Variants in CDKAL1 observed in about 807,000 individuals in gnomAD.
The protein encoded by CDKAL1 is CDKAL1 threonylcarbamoyladenosine tRNA methylthiotransferase.
Under a neutral mutation model 68.2 loss-of-function variants are expected in CDKAL1, and 32 were observed. The observed-to-expected ratio is 0.47, with a 90% confidence interval of 0.35 to 0.63. CDKAL1 has a LOEUF of 0.63. Ranked by LOEUF, CDKAL1 falls within the 30% of genes least tolerant of loss-of-function variation. The pLI is 0.00. For synonymous variants in CDKAL1, 234 were observed against 244.3 expected (o/e 0.96, Z 0.39); for missense variants, 606 against 696.7 (o/e 0.87, Z 1.47).
In CDKAL1 at chr6:21,121,041, C is replaced by A. The variant is rs184744822; in HGVS notation, c.1299+12578C>A. Among the ~76,000 whole-genome samples, 36 of 152,304 alleles carry A rather than the reference C, an allele frequency of 2.4e-4. No individual in the cohort carries two copies. The East Asian group carries it at 6.9e-3, about 29-fold the overall frequency. The stretch of plus-strand genomic sequence containing the variant: ...TGATAGATATTGGCCGAGACCCACT[C>A]AGCAAGATGTTCCAGTGTACATGCC... On this transcript the variant is annotated intron_variant, in intron 13 of 15. Transcript: ENST00000274695.
chr6:20,911,577 A>G (rs896239299), intron 9 of CDKAL1, among the ~76,000 whole-genome samples: 1 of 152,250 alleles, frequency 6.6e-6, no homozygotes, highest in Non-Finnish European at 1.5e-5. Flanking sequence ...TTTTCACATT[A>G]TTACAGACAT....
chr6:20,747,495 T>G (rs557070810), intron 6 of CDKAL1, among the ~76,000 whole-genome samples: 1 of 152,292 alleles, frequency 6.6e-6, no homozygotes, highest in South Asian at 2.1e-4. Flanking sequence ...CTGACACTCG[T>G]TATTTATTGT....
chr6:20,825,296 T>C (rs1777457549), intron 8 of CDKAL1, among the ~76,000 whole-genome samples: 2 of 151,526 alleles, frequency 1.3e-5, no homozygotes, highest in Non-Finnish European at 2.9e-5. Context: ...GAAAGTATGG[T>C]TTAAATGACA....
chr6:20,775,195 A>G (rs981920691), intron 7 of CDKAL1, among the ~76,000 whole-genome samples: 2 of 152,182 alleles, frequency 1.3e-5, no homozygotes, highest in Non-Finnish European at 2.9e-5. Flanking sequence ...TCATGTCATT[A>G]TCAGTTGATC....
chr6:21,027,393 T>A (rs1316969949), intron 11 of CDKAL1, among the ~76,000 whole-genome samples: 1 of 152,194 alleles, frequency 6.6e-6, no homozygotes, highest in Non-Finnish European at 1.5e-5. Flanking sequence ...GCCATTGTCT[T>A]CATTCTTCCT....
At chr6:21,024,230 G>A (rs1024463174) in intron 11 of CDKAL1, among the ~76,000 whole-genome samples, 1 of 152,120 alleles carries the variant, frequency 6.6e-6, no homozygotes, top group Non-Finnish European at 1.5e-5. Flanking sequence ...AGTATAGAAT[G>A]GTTTTATAGG....
At chr6:20,668,535 T>C (rs568764119) in intron 5 of CDKAL1, among the ~76,000 whole-genome samples, 1 of 152,192 alleles carries the variant, frequency 6.6e-6, no homozygotes, top group African/African-American at 2.4e-5. Flanking sequence ...TTGTTGACTA[T>C]GTAGAGTATG....
At chr6:21,023,660 T>C (rs892839310) in intron 11 of CDKAL1, among the ~76,000 whole-genome samples, 21 of 152,228 alleles carry the variant, frequency 1.4e-4, no homozygotes, top group African/African-American at 5.1e-4. Flanking sequence ...GACTATTTTG[T>C]CTTCTAGAGA....
At chr6:20,850,263 C>T (rs1758937297) in intron 9 of CDKAL1, among the ~76,000 whole-genome samples, 1 of 151,930 alleles carries the variant, frequency 6.6e-6, no homozygotes, top group South Asian at 2.1e-4. Context: ...GTTAAATTTC[C>T]CATCCTTAAA....
intron 8 of CDKAL1, among the ~76,000 whole-genome samples, chr6:20,832,459 C>T (rs893245997): frequency 4.0e-5 from 6 of 151,184 alleles, no homozygotes; most frequent in Non-Finnish European, 7.4e-5. Flanking sequence ...CATAGTGAGA[C>T]CCTGTCTCTA....
intron 10 of CDKAL1, among the ~76,000 whole-genome samples, chr6:20,985,711 G>A (rs972919783): frequency 6.6e-6 from 1 of 152,034 alleles, no homozygotes. Flanking sequence ...CTTGAACTCA[G>A]GAGTTCACTT....
rs573888881 is a variant in CDKAL1 at position 20,541,786 on chromosome 6, G to C, written c.-5-4560G>C. On this transcript the variant is annotated intron_variant, in intron 2 of 15. Coordinates refer to ENST00000274695, the MANE Select transcript of CDKAL1 (RefSeq NM_017774.3). Reference sequence around the variant, plus strand: ...AGCAATTCTCCTGTCTCAGCCTCCTGAGTAGCTGGGATTACAGGCATGTGC... The same window carrying C: ...AGCAATTCTCCTGTCTCAGCCTCCTCAGTAGCTGGGATTACAGGCATGTGC... 2.0e-5 allele frequency among the ~76,000 whole-genome samples: 3 copies of C among 152,158 alleles called. No individual in the cohort carries two copies. In the East Asian group the frequency reaches 5.8e-4, roughly 29 times the overall value.
At chr6:20,632,507 A>C (rs1397471288) in intron 4 of CDKAL1, among the ~76,000 whole-genome samples, 1 of 152,226 alleles carries the variant, frequency 6.6e-6, no homozygotes, top group Admixed American at 6.5e-5. Flanking sequence ...TGTTAGAACA[A>C]GAAGATCCCT....
chr6:21,175,414 C>G (rs1777538756), intron 13 of CDKAL1, among the ~76,000 whole-genome samples: 1 of 152,234 alleles, frequency 6.6e-6, no homozygotes, highest in African/African-American at 2.4e-5. Flanking sequence ...GCTCACCCCT[C>G]TTTGTTGAAA....
chr6:21,111,480 C>G (rs1330702076), intron 13 of CDKAL1, among the ~76,000 whole-genome samples: 1 of 152,150 alleles, frequency 6.6e-6, no homozygotes, highest in Non-Finnish European at 1.5e-5. Context: ...CTCTTCTTTC[C>G]TTCCCCCAAC....
intron 13 of CDKAL1, among the ~76,000 whole-genome samples, chr6:21,132,502 T>C (rs1401216375): frequency 3.9e-3 from 599 of 151,872 alleles, no homozygotes; most frequent in African/African-American, 0.014. Context: ...GTCTTATTTA[T>C]GTTAATATGT....
intron 15 of CDKAL1, among the ~76,000 whole-genome samples, chr6:21,203,440 C>T (rs141906237): frequency 0.017 from 2,619 of 150,942 alleles, 65 homozygotes; most frequent in African/African-American, 0.059. Context: ...TTCACCATGT[C>T]GGCCAGGCTG....
intron 13 of CDKAL1, among the ~76,000 whole-genome samples, chr6:21,136,486 A>C (rs1267626391): frequency 1.3e-5 from 2 of 152,238 alleles, no homozygotes; most frequent in East Asian, 3.8e-4. Context: ...ATAGCAAAGC[A>C]TAAATGTGTT....
chr6:20,611,438 A>G (rs1022183256), intron 4 of CDKAL1, among the ~76,000 whole-genome samples: 1 of 152,084 alleles, frequency 6.6e-6, no homozygotes, highest in Non-Finnish European at 1.5e-5. Context: ...GTTATTTTTC[A>G]GGAGGCTAAC....
Sources: gnomAD v4.1 joint callset for allele counts (sites outside exome capture counted in the v4.1 genomes callset) on GRCh38, gnomAD v4.1.1 for gene constraint, MANE v1.5 for transcripts, NCBI Gene and HGNC (gene_info 2026-07-23, HGNC 2026-07-21) for gene names.